UNC5D: variants seen among roughly 807,000 people sequenced by gnomAD.
The protein encoded by UNC5D is unc-5 netrin receptor D, also known as netrin receptor UNC5D.
Under a neutral mutation model 105.4 loss-of-function variants are expected in UNC5D, and 39 were observed. The ratio of observed to expected loss-of-function variants is 0.37; its 90% CI spans 0.29 to 0.48. The LOEUF is 0.48. UNC5D is among the 20% of genes least tolerant of loss of function. The pLI, the probability that UNC5D is intolerant of heterozygous loss-of-function variation, is 0.98. For missense variants in UNC5D, 991 were observed against 1,202.4 expected (o/e 0.82, Z 2.60); for synonymous variants, 452 against 450.4 (o/e 1.00, Z -0.04).
chr8:35,632,537 C>T (rs547922299), intron 4 of UNC5D, among the ~76,000 whole-genome samples: 1 of 152,348 alleles, frequency 6.6e-6, no homozygotes, highest in Admixed American at 6.5e-5. Context: ...AATAAAAGAA[C>T]ATTCAACCAG....
chr8:35,550,812 G>A (rs1816076142), intron 2 of UNC5D, among the ~76,000 whole-genome samples: 1 of 152,206 alleles, frequency 6.6e-6, no homozygotes, highest in Non-Finnish European at 1.5e-5. Flanking sequence ...TGATGAATAT[G>A]TAAGTCAGAT....
At chr8:35,551,420 G>A (rs1319597888) in intron 2 of UNC5D, among the ~76,000 whole-genome samples, 2 of 152,190 alleles carry the variant, frequency 1.3e-5, no homozygotes, top group African/African-American at 2.4e-5. Flanking sequence ...GTGGGTGGAA[G>A]AGTTGTTAGA....
At chr8:35,442,071 A>C (rs1807443404) in intron 1 of UNC5D, among the ~76,000 whole-genome samples, 1 of 151,954 alleles carries the variant, frequency 6.6e-6, no homozygotes, top group Admixed American at 6.6e-5. Context: ...CAAAACGTGA[A>C]ATTACTTTCA....
chr8:35,609,522 G>T (rs1392625655), intron 4 of UNC5D, among the ~76,000 whole-genome samples: 2 of 152,196 alleles, frequency 1.3e-5, no homozygotes, highest in Non-Finnish European at 2.9e-5. Flanking sequence ...CCCTTCCACA[G>T]TCGTGGTGTC....
chr8:35,462,173 T>G (rs1808941690), intron 1 of UNC5D, among the ~76,000 whole-genome samples: 1 of 152,176 alleles, frequency 6.6e-6, no homozygotes, highest in Admixed American at 6.5e-5. Context: ...TTTACAAATC[T>G]AATTATTCTT....
chr8:35,275,385 GA>G (rs913227647), intron 1 of UNC5D, among the ~76,000 whole-genome samples: 10 of 151,662 alleles, frequency 6.6e-5, no homozygotes, highest in African/African-American at 1.9e-4. Context: ...AAAGAGTGTT[GA>G]AAAAAAATTC....
At chr8:35,547,579 G>T (rs369166779) in intron 1 of UNC5D, among the ~76,000 whole-genome samples, 3 of 152,198 alleles carry the variant, frequency 2.0e-5, no homozygotes, top group Admixed American at 2.0e-4. Context: ...GATTACAGGC[G>T]TAAGCCACCG....
intron 1 of UNC5D, among the ~76,000 whole-genome samples, chr8:35,448,034 G>A (rs893601426): frequency 3.3e-5 from 5 of 151,800 alleles, no homozygotes; most frequent in Admixed American, 2.6e-4. Flanking sequence ...TCCTACCACC[G>A]CCTCCCTTTT....
In UNC5D at chr8:35,505,809, G is replaced by T. The variant is rs555149288; in HGVS notation, c.104-43483G>T. Among the ~76,000 whole-genome samples, 5 of 152,312 alleles carry T rather than the reference G, an allele frequency of 3.3e-5. No individual in the cohort carries two copies. The East Asian group carries it at 9.6e-4, about 29-fold the overall frequency. On this transcript the variant is annotated intron_variant, in intron 1 of 16. Transcript: ENST00000404895. The stretch of plus-strand genomic sequence containing the variant: ...GTCAGGAAAGTGATTTTGCACAGTG[G>T]TTGGCTCTGGAGCCGGACTGCCTTT...
intron 1 of UNC5D, among the ~76,000 whole-genome samples, chr8:35,405,194 G>T (rs1194970814): frequency 6.6e-6 from 1 of 152,144 alleles, no homozygotes; most frequent in Non-Finnish European, 1.5e-5. Flanking sequence ...AGTGGTAGCT[G>T]CATGCACCCA....
At chr8:35,632,582 G>T (rs1822110468) in intron 4 of UNC5D, among the ~76,000 whole-genome samples, 1 of 152,204 alleles carries the variant, frequency 6.6e-6, no homozygotes, top group African/African-American at 2.4e-5. Flanking sequence ...GCTGCTGCAT[G>T]CGGAGGTAAG....
At chr8:35,686,773 G>C in intron 7 of UNC5D, 64 bp downstream of exon 7, 8 of 1,498,138 alleles carry the variant, frequency 5.3e-6, no homozygotes, top group Non-Finnish European at 7.1e-6. Flanking sequence ...TCTCAAGAAA[G>C]TAAGCTACAG....
At chr8:35,407,508 T>G (rs1420482088) in intron 1 of UNC5D, among the ~76,000 whole-genome samples, 1 of 117,678 alleles carries the variant, frequency 8.5e-6, no homozygotes, top group Non-Finnish European at 1.8e-5. Flanking sequence ...GGTTTTCATT[T>G]GTATGTATGT....
At chr8:35,241,442 C>G (rs960237022) in intron 1 of UNC5D, among the ~76,000 whole-genome samples, 1 of 152,148 alleles carries the variant, frequency 6.6e-6, no homozygotes, top group African/African-American at 2.4e-5. Context: ...ACCACTCCCC[C>G]CACACCACTT....
At chr8:35,716,510 G>A in intron 8 of UNC5D, among the ~76,000 whole-genome samples, 1 of 152,192 alleles carries the variant, frequency 6.6e-6, no homozygotes, top group Admixed American at 6.5e-5. Context: ...CAATCATGAG[G>A]CTTTGAGAAA....
At chr8:35,705,154 C>CG (rs1719509116) in intron 7 of UNC5D, among the ~76,000 whole-genome samples, 1 of 151,976 alleles carries the variant, frequency 6.6e-6, no homozygotes, top group Non-Finnish European at 1.5e-5. Context: ...TTAGTAGAGA[C>CG]GGGGTTTCAC....
chr8:35,400,091 A>T (rs575890214), intron 1 of UNC5D, among the ~76,000 whole-genome samples: 1 of 152,190 alleles, frequency 6.6e-6, no homozygotes, highest in African/African-American at 2.4e-5. Context: ...GGCTGAGTGG[A>T]AGGATGAGAG....
intron 3 of UNC5D, among the ~76,000 whole-genome samples, chr8:35,573,880 C>T (rs1008774268): frequency 2.0e-5 from 3 of 152,016 alleles, no homozygotes; most frequent in Non-Finnish European, 4.4e-5. Flanking sequence ...CTGGAAATTG[C>T]GGAGGCCTAG....
At chr8:35,478,571 T>A (rs146101102) in intron 1 of UNC5D, among the ~76,000 whole-genome samples, 1 of 152,302 alleles carries the variant, frequency 6.6e-6, no homozygotes, top group East Asian at 1.9e-4. Flanking sequence ...TTTATTCCTA[T>A]GAGAACAAAA....
Sources: allele counts gnomAD v4.1 joint callset (sites outside exome capture counted in the v4.1 genomes callset), GRCh38; gene constraint gnomAD v4.1.1; transcripts MANE v1.5; gene names NCBI Gene and HGNC (gene_info 2026-07-23, HGNC 2026-07-21).